GPR108: variants seen among roughly 807,000 people sequenced by gnomAD.
GPR108 encodes protein GPR108.
In GPR108, 60 loss-of-function variants were observed where a neutral mutation model predicts 74.3. The ratio of observed to expected loss-of-function variants is 0.81; its 90% confidence interval spans 0.66 to 1.00. The LOEUF is 1.00. Among genes scored for constraint, GPR108 ranks in the 50% least tolerant of loss-of-function variants. The probability of loss-of-function intolerance (pLI) is 0.00; values close to 1 mark genes in which losing one functional copy is unlikely to be tolerated. For synonymous variants in GPR108, 311 were observed against 292.4 expected (o/e 1.06, Z -0.65); for missense variants, 667 against 703.3 (o/e 0.95, Z 0.58).
At chr19:6,737,371 G>GGGCGGAC in intron 1 of GPR108, 86 bp downstream of exon 1, 1 of 1,439,912 alleles carries the variant, frequency 6.9e-7, no homozygotes, top group Admixed American at 2.6e-5. Context: ...GGACGGGGGA[G>GGGCGGAC]GGCGGACGAG....
At position 6,732,032 on chromosome 19, in the gene GPR108, C is replaced by T. The variant is rs542165016; in HGVS notation, c.1249G>A (p.Val417Ile). 1.3e-5 allele frequency: 21 copies of T among 1,613,872 alleles called. No homozygotes were observed. Among genetic ancestry groups the T allele is most frequent in the East Asian group, 4.5e-5 (2 of 44,886 alleles). Residue 417 changes from valine (V) to isoleucine (I), a missense_variant, in exon 13 of 18, where the codon GTA becomes ATA. Coordinates refer to ENST00000264080, the MANE Select transcript of GPR108 (RefSeq NM_001080452.2). ...CGGGGGCAGGGTCCTCACCAGACTA[C>T]GGGGAACAGGATGGCACCACAGCAG... The part of the protein sequence containing the change: ...LICCGAILFP[V>I]VWSIRHLQDA...
In GPR108 at chr19:6,734,321, G is replaced by T. The variant is rs1175146983; in HGVS notation, c.375-14C>A. 5 of 1,611,198 alleles carry T rather than the reference G, an allele frequency of 3.1e-6. No individual in the cohort carries two copies. Among genetic ancestry groups the T allele is most frequent in the East Asian group, 2.2e-5 (1 of 44,874 alleles). On this transcript the variant is annotated splice_polypyrimidine_tract_variant and intron_variant, in intron 4 of 17. Coordinates refer to ENST00000264080, the MANE Select transcript of GPR108 (RefSeq NM_001080452.2). The stretch of plus-strand genomic sequence containing the variant: ...CGCACCTGGACCCTGGGGTGAGGGT[G>T]GGGTGGGGCATGAGGCTGGGGGGCT...
intron 10 of GPR108, 54 bp from the exon 11 acceptor site, chr19:6,732,603 ATGG>A (rs925108964): frequency 8.7e-6 from 12 of 1,381,930 alleles, no homozygotes; most frequent in Non-Finnish European, 6.2e-6. Flanking sequence ...TGGGAGGCTG[ATGG>A]TGGTGGTGGG....
Position 6,729,950 on chromosome 19 carries a change from G to T in GPR108, c.*362C>A. 3.9e-6 allele frequency: 1 copy of T among 254,532 alleles called. No individual in the cohort carries two copies. The highest frequency in any genetic ancestry group is 5.0e-5 in the South Asian group (1 of 20,110). The allele number at this position is 254,532 out of a possible 1,614,324, so 15.8% of individuals were successfully genotyped here. A position where few individuals can be genotyped will look rare whatever the true frequency, so the allele number is the denominator to read the frequency against. On this transcript the variant is annotated 3_prime_UTR_variant, in exon 18 of 18. Coordinates refer to ENST00000264080, the MANE Select transcript of GPR108 (RefSeq NM_001080452.2). ...ATATTTATTGAATATACAAAGACAC[G>T]GACCCTGTGCCCGCGCCCCCGCCAC...
In GPR108 at chr19:6,731,913, A is replaced by T; in HGVS notation, c.1278T>A (p.Asp426Glu). Residue 426 changes from aspartate (D) to glutamate (E), a missense_variant, in exon 14 of 18, where the codon GAT becomes GAA. Coordinates refer to ENST00000264080, the MANE Select transcript of GPR108 (RefSeq NM_001080452.2). ...PVVWSIRHLQDASGTDGKVAV... is the reference protein window; with the variant it reads ...PVVWSIRHLQEASGTDGKVAV... The stretch of plus-strand genomic sequence containing the variant: ...CACCCTTCCCGTCTGTGCCAGACGC[A>T]TCCTGGAGATGCCGGATGGACCTGG... 6.2e-7 allele frequency: 1 copy of T among 1,612,876 alleles called. No homozygotes were observed. The highest frequency in any genetic ancestry group is 1.3e-5 in the African/African-American group (1 of 75,034).
chr19:6,735,432 T>C (rs1230275674), intron 4 of GPR108, 190 bp downstream of exon 4: 2 of 586,924 alleles, frequency 3.4e-6, no homozygotes, highest in African/African-American at 1.9e-5. Context: ...TCTTCTGCCC[T>C]GAGACACCAA....
chr19:6,735,747 C>T, intron 3 of GPR108, 43 bp from the exon 4 acceptor site: 1 of 1,589,966 alleles, frequency 6.3e-7, no homozygotes, highest in South Asian at 1.1e-5. Flanking sequence ...TTACTCCTCT[C>T]CTGGTCCAGC....
intron 4 of GPR108, among the ~76,000 whole-genome samples, chr19:6,735,121 G>A (rs1478895926): frequency 6.6e-6 from 1 of 152,074 alleles, no homozygotes; most frequent in Non-Finnish European, 1.5e-5. Context: ...ACAATTCCTG[G>A]GCCCAAGCAA....
intron 4 of GPR108, 95 bp downstream of exon 4, chr19:6,735,511 TGGCTTTCTCTCTCTGC>T: frequency 4.5e-6 from 4 of 893,570 alleles, no homozygotes; most frequent in Non-Finnish European, 7.1e-6. Flanking sequence ...AAAAAGTAAG[TGGCTTTCTCTCTCTGC>T]TTCTCATCCC....
chr19:6,733,212 G>A lies in GPR108; in HGVS notation c.813C>T (p.Phe271=). The change falls in exon 9 of 18, where the codon TTC becomes TTT. Residue 271 remains phenylalanine, a synonymous_variant. Transcript: ENST00000264080. Reference sequence around the variant, plus strand: ...ACACCCAGAAGATGCCAGCGGCCAGGAAGCAGGCGGACATGACCATGTAGA... The same window carrying A: ...ACACCCAGAAGATGCCAGCGGCCAGAAAGCAGGCGGACATGACCATGTAGA... ...FKLYMVMSAC[F]LAAGIFWVSI... is the part of the protein sequence containing the mutation. 1 of 1,614,074 alleles carries A rather than the reference G, an allele frequency of 6.2e-7. No homozygotes were observed. The highest frequency in any genetic ancestry group is 2.2e-5 in the East Asian group (1 of 44,886).
In GPR108 at chr19:6,730,395, ACAGCGAGGAGGCGT is replaced by A; in HGVS notation, c.1560-25_1560-12del. ...CCAGAGTCCGTCATTCTGGGGGCAGACAGCGAGGAGGCGTCTAGCGTTGCAGGGCAGCAGGCCCC... is the reference window on the plus strand; with the variant it reads ...CCAGAGTCCGTCATTCTGGGGGCAGACTAGCGTTGCAGGGCAGCAGGCCCC... On this transcript the variant is annotated splice_polypyrimidine_tract_variant and intron_variant, in intron 17 of 17. Coordinates refer to ENST00000264080, the MANE Select transcript of GPR108 (RefSeq NM_001080452.2). 6.2e-7 allele frequency: 1 copy of A among 1,612,138 alleles called. No individual in the cohort carries two copies. Among genetic ancestry groups the A allele is most frequent in the Non-Finnish European group, 8.5e-7 (1 of 1,179,446 alleles).
At chr19:6,732,000 C>A in intron 13 of GPR108, 25 bp downstream of exon 13, 1 of 1,613,554 alleles carries the variant, frequency 6.2e-7, no homozygotes, top group Non-Finnish European at 8.5e-7. Flanking sequence ...AGGGCAGAGC[C>A]TCAGCCCGGG....
chr19:6,734,417 G>A (rs1015748479), intron 4 of GPR108, 110 bp from the exon 5 acceptor site: 8 of 1,059,722 alleles, frequency 7.5e-6, no homozygotes, highest in Non-Finnish European at 1.1e-5. Flanking sequence ...CCTGAGGGGC[G>A]GGGTCCAGTC....
Position 6,735,681 on chromosome 19 carries a change from A to T in GPR108, c.315T>A (p.Pro105=). Residue 105 remains proline (P), a synonymous_variant, in exon 4 of 18, where the codon CCT becomes CCA. Coordinates refer to ENST00000264080, the MANE Select transcript of GPR108 (RefSeq NM_001080452.2). ...SYSTRDFQDC[P]LQKNSSSFLV... ...GGAAACTGCTACTGTTTTTCTGGAG[A>T]GGGCAGTCCTGGAAATCCCGGGTCT... The T allele has an allele frequency of 1.2e-6, 2 of 1,613,936 alleles. No individual in the cohort carries two copies. The highest frequency in any genetic ancestry group is 1.7e-6 in the Non-Finnish European group (2 of 1,179,964).
rs772882897 is a variant in GPR108, at chr19:6,737,548, C to T, written c.29G>A (p.Gly10Asp). 1.9e-6 allele frequency: 3 copies of T among 1,540,410 alleles called. No individual in the cohort carries two copies. Among genetic ancestry groups the T allele is most frequent in the African/African-American group, 1.4e-5 (1 of 71,036 alleles). The change falls in exon 1 of 18, where the codon GGC (glycine) becomes GAC (aspartate). Residue 10 changes from glycine (G) to aspartate (D), a missense_variant. Physicochemically the swap from Gly to Asp is moderately conservative, Grantham distance 94. Transcript: ENST00000264080. MAVSERRGL[G>D]RGSPAEWGQR... ...CCCCCACTCCGCGGGGCTCCCGCGGCCGAGCCCCCTCCTCTCGCTCACTGC... is the reference window on the plus strand; with the variant it reads ...CCCCCACTCCGCGGGGCTCCCGCGGTCGAGCCCCCTCCTCTCGCTCACTGC...
rs560095082 is a variant in GPR108 at position 6,730,554 on chromosome 19, G to A, written c.1560-170C>T. On this transcript the variant is annotated intron_variant, in intron 17 of 17. Coordinates refer to ENST00000264080, the MANE Select transcript of GPR108 (RefSeq NM_001080452.2). ...GCACCCACCTCGCTCCCACAGCAGC[G>A]CAGGCCCTACCCTTCTACTCCAACC... is the stretch of plus-strand genomic sequence containing the variant. The A allele has an allele frequency of 1.8e-3, 1,144 of 628,672 alleles. 9 individuals are homozygous for A. In the African/African-American group the frequency reaches 0.019, roughly 11 times the overall value. The allele number at this position is 628,672 out of a possible 1,614,324, so 38.9% of individuals were successfully genotyped here. A position where few individuals can be genotyped will look rare whatever the true frequency, so the allele number is the denominator to read the frequency against.
At position 6,737,564 on chromosome 19, in the gene GPR108, C is replaced by A. The variant is rs997669956; in HGVS notation, c.13G>T (p.Glu5Ter). Residue 5 changes from glutamate (E) to a stop codon, truncating the protein, a stop_gained, in exon 1 of 18, where the codon GAG becomes TAG. Transcript: ENST00000264080. LOFTEE classifies it high-confidence loss of function. ...CTCCCGCGGCCGAGCCCCCTCCTCT[C>A]GCTCACTGCCATCTCTGGAGCCACC... MAVS[E>*]RRGLGRGSPA... 1 of 1,514,614 alleles carries A rather than the reference C, an allele frequency of 6.6e-7. No individual in the cohort carries two copies. Among genetic ancestry groups the A allele is most frequent in the Non-Finnish European group, 8.8e-7 (1 of 1,137,614 alleles). The allele number at this position is 1,514,614 out of a possible 1,614,324, so 93.8% of individuals were successfully genotyped here. A position where few individuals can be genotyped will look rare whatever the true frequency, so the allele number is the denominator to read the frequency against.
intron 4 of GPR108, among the ~76,000 whole-genome samples, chr19:6,734,935 C>A (rs1968573944): frequency 6.6e-6 from 1 of 151,564 alleles, no homozygotes; most frequent in African/African-American, 2.4e-5. Flanking sequence ...GGCTGGAGTG[C>A]AGCAGTGCAA....
intron 1 of GPR108, chr19:6,737,048 G>C: frequency 2.5e-6 from 1 of 406,468 alleles, no homozygotes; most frequent in Non-Finnish European, 4.5e-6. Context: ...TGAGCTCCCA[G>C]CAATATTTCA....
Sources: allele counts gnomAD v4.1 joint callset (sites outside exome capture counted in the v4.1 genomes callset), GRCh38; gene constraint gnomAD v4.1.1; transcripts MANE v1.5; gene names NCBI Gene and HGNC (gene_info 2026-07-23, HGNC 2026-07-21).